PHLDB2: variants seen among roughly 807,000 people sequenced by gnomAD.
PHLDB2 encodes the protein pleckstrin homology-like domain family B member 2.
Under a neutral mutation model 123.6 loss-of-function variants are expected in PHLDB2, and 71 were observed. That is an observed-to-expected ratio of 0.57 (90% CI 0.47 to 0.70). The LOEUF (loss-of-function observed/expected upper bound fraction) is 0.70, where lower values mean the gene tolerates loss of function less well. Among genes scored for constraint, PHLDB2 ranks in the 30% least tolerant of loss-of-function variants. PHLDB2 has a pLI of 0.00. For missense variants in PHLDB2, 1,446 were observed against 1,519.5 expected (o/e 0.95, Z 0.80); for synonymous variants, 547 against 541.6 (o/e 1.01, Z -0.14).
intron 1 of PHLDB2, among the ~76,000 whole-genome samples, chr3:111,829,458 C>CTTTTTT (rs1482177143): frequency 8.7e-6 from 1 of 115,128 alleles, no homozygotes; most frequent in African/African-American, 3.3e-5. Context: ...TTTTCTTTTT[C>CTTTTTT]TTTTTTTTTG....
At chr3:111,842,542 G>A (rs564137843) in intron 1 of PHLDB2, among the ~76,000 whole-genome samples, 5 of 152,158 alleles carry the variant, frequency 3.3e-5, no homozygotes, top group Admixed American at 6.5e-5. Context: ...AGTATCTTAC[G>A]GAGTATTTTC....
At chr3:111,768,556 A>G (rs78339152) in intron 1 of PHLDB2, among the ~76,000 whole-genome samples, 3,666 of 152,144 alleles carry the variant, frequency 0.024, 61 homozygotes, top group Non-Finnish European at 0.03. Flanking sequence ...CTGCTATAAG[A>G]TTTCAGGGAG....
intron 1 of PHLDB2, among the ~76,000 whole-genome samples, chr3:111,868,106 C>A (rs994150185): frequency 6.6e-6 from 1 of 152,026 alleles, no homozygotes; most frequent in Non-Finnish European, 1.5e-5. Flanking sequence ...CTCAAGTGAT[C>A]CCCCTGCCTC....
chr3:111,901,836 T>G (rs1452772811), intron 2 of PHLDB2, among the ~76,000 whole-genome samples: 1 of 152,224 alleles, frequency 6.6e-6, no homozygotes. Flanking sequence ...AAGAAAAACA[T>G]CTGGCATGTT....
At chr3:111,815,745 G>A (rs989319334) in intron 1 of PHLDB2, among the ~76,000 whole-genome samples, 2 of 151,638 alleles carry the variant, frequency 1.3e-5, no homozygotes, top group South Asian at 2.1e-4. Context: ...CCCATTTGCT[G>A]AGGAGAAATT....
chr3:111,740,248 G>T (rs1014905521), intron 1 of PHLDB2, among the ~76,000 whole-genome samples: 1 of 152,022 alleles, frequency 6.6e-6, no homozygotes, highest in Non-Finnish European at 1.5e-5. Flanking sequence ...AAGAACCTCT[G>T]GTCCAAGAAG....
Position 111,913,577 on chromosome 3 carries a change from T to A in PHLDB2, c.1594T>A (p.Phe532Ile). 1 of 1,614,148 alleles carries A rather than the reference T, an allele frequency of 6.2e-7. No individual in the cohort carries two copies. The highest frequency in any genetic ancestry group is 8.5e-7 in the Non-Finnish European group (1 of 1,180,020). Residue 532 changes from phenylalanine (F) to isoleucine (I), a missense_variant, in exon 3 of 18, where the codon TTC becomes ATC. Phe to Ile is a conservative substitution (Grantham distance 21, BLOSUM62 0). Transcript: ENST00000431670. The part of the protein sequence containing the change: ...CGSLSQSSAS[F>I]FTPRSTRNDE... ...GAGTCTCAGTCAGAGCAGTGCCAGC[T>A]TCTTTACCCCCAGGAGCACCAGGAA...
At chr3:111,739,188 A>C (rs1261280778) in intron 1 of PHLDB2, among the ~76,000 whole-genome samples, 2 of 152,216 alleles carry the variant, frequency 1.3e-5, no homozygotes, top group Non-Finnish European at 2.9e-5. Flanking sequence ...TTGGGTAAAT[A>C]AGGGGAATGA....
intron 3 of PHLDB2, chr3:111,913,923 A>G (rs1420819122): frequency 1.7e-6 from 1 of 574,154 alleles, no homozygotes; most frequent in East Asian, 3.0e-5. Context: ...AAGAGTAGAA[A>G]GAAAGCACAT....
chr3:111,915,504 A>T (rs2068120566), intron 3 of PHLDB2: 1 of 152,246 alleles, frequency 6.6e-6, no homozygotes, highest in Admixed American at 6.6e-5. Context: ...ATCTAGGCTC[A>T]CTGCAACCTC....
At chr3:111,910,730 C>A (rs974015483) in intron 2 of PHLDB2, among the ~76,000 whole-genome samples, 4 of 152,202 alleles carry the variant, frequency 2.6e-5, no homozygotes, top group Non-Finnish European at 5.9e-5. Context: ...GGAGAATTAT[C>A]TTATGACAGT....
At chr3:111,927,136 A>G (rs1180612929) in intron 5 of PHLDB2, among the ~76,000 whole-genome samples, 10 of 152,184 alleles carry the variant, frequency 6.6e-5, no homozygotes, top group Non-Finnish European at 1.2e-4. Flanking sequence ...CTATGAACCT[A>G]TAAGGATGCC....
chr3:111,761,234 C>T (rs867155751), intron 1 of PHLDB2, among the ~76,000 whole-genome samples: 41 of 151,568 alleles, frequency 2.7e-4, no homozygotes, highest in African/African-American at 9.0e-4. Context: ...ATACTAATCC[C>T]AGCTTTGTGA....
chr3:111,956,570 C>T (rs2071076113), intron 12 of PHLDB2, among the ~76,000 whole-genome samples: 1 of 152,198 alleles, frequency 6.6e-6, no homozygotes, highest in South Asian at 2.1e-4. Flanking sequence ...CTGTGAAGTG[C>T]TCTTCCTCTT....
intron 3 of PHLDB2, 127 bp from the exon 4 acceptor site, chr3:111,918,945 G>C (rs2068339025): frequency 3.2e-6 from 3 of 945,034 alleles, no homozygotes; most frequent in Non-Finnish European, 4.9e-6. Context: ...CAGTTGCAGG[G>C]ATGCTTTTAA....
At chr3:111,783,943 G>A (rs1215462661) in intron 1 of PHLDB2, among the ~76,000 whole-genome samples, 1 of 152,108 alleles carries the variant, frequency 6.6e-6, no homozygotes, top group Non-Finnish European at 1.5e-5. Flanking sequence ...ACAGTTGGGT[G>A]AATTCAGAGT....
intron 1 of PHLDB2, among the ~76,000 whole-genome samples, chr3:111,820,978 C>G (rs1368058614): frequency 6.6e-6 from 1 of 152,148 alleles, no homozygotes; most frequent in East Asian, 1.9e-4. Context: ...CCAAAATGTG[C>G]TAGTTGGGAG....
In PHLDB2 at chr3:111,974,574, C is replaced by T. The variant is rs577912073; in HGVS notation, c.*11C>T. On this transcript the variant is annotated 3_prime_UTR_variant, in exon 18 of 18. Coordinates refer to ENST00000431670, the MANE Select transcript of PHLDB2 (RefSeq NM_001134438.2). The stretch of plus-strand genomic sequence containing the variant: ...CACTTCTTGTTGTAGTGAACTGAGG[C>T]AACAGTCCACTTCAGGGCAGACGGC... The T allele has an allele frequency of 2.5e-6, 4 of 1,605,824 alleles. No individual in the cohort carries two copies. Among genetic ancestry groups the T allele is most frequent in the Non-Finnish European group, 3.4e-6 (4 of 1,176,222 alleles).
intron 1 of PHLDB2, among the ~76,000 whole-genome samples, chr3:111,822,331 A>ATATATG (rs1368117990): frequency 4.6e-5 from 6 of 131,286 alleles, no homozygotes; most frequent in African/African-American, 1.8e-4. Flanking sequence ...ATATATATAT[A>ATATATG]TAATGGTACA....
Sources: gnomAD v4.1 joint callset for allele counts (sites outside exome capture counted in the v4.1 genomes callset) on GRCh38, gnomAD v4.1.1 for gene constraint, MANE v1.5 for transcripts, NCBI Gene and HGNC (gene_info 2026-07-23, HGNC 2026-07-21) for gene names.